Variants in THSD7B observed in about 807,000 individuals in gnomAD.
THSD7B encodes the protein thrombospondin type-1 domain-containing protein 7B.
Under a neutral mutation model 213.6 loss-of-function variants are expected in THSD7B, and 138 were observed. The ratio of observed to expected loss-of-function variants is 0.65; its 90% confidence interval spans 0.56 to 0.74. The LOEUF (loss-of-function observed/expected upper bound fraction) is 0.74. THSD7B is among the 30% of genes least tolerant of loss of function. The pLI is 0.00. For missense variants in THSD7B, 1,931 were observed against 1,991.5 expected, an observed-to-expected ratio of 0.97 and a Z score of 0.58; for synonymous variants, 742 against 687.0, an observed-to-expected ratio of 1.08 and a Z score of -1.25.
chr2:136,834,390 G>C (rs1573660509), intron 1 of THSD7B, among the ~76,000 whole-genome samples: 1 of 152,298 alleles, frequency 6.6e-6, no homozygotes, highest in East Asian at 1.9e-4. Flanking sequence ...TAGAAAATTA[G>C]TGGTAGAGTC....
chr2:137,650,827 CT>C (rs1480771841), intron 21 of THSD7B, among the ~76,000 whole-genome samples: 1 of 152,174 alleles, frequency 6.6e-6, no homozygotes, highest in African/African-American at 2.4e-5. Context: ...TCTTCAGCAT[CT>C]ATTGAAATGA....
chr2:137,093,322 T>C (rs1687986142), intron 3 of THSD7B, among the ~76,000 whole-genome samples: 1 of 152,172 alleles, frequency 6.6e-6, no homozygotes, highest in South Asian at 2.1e-4. Context: ...GTTTCCCCAG[T>C]GGTGTGCTTA....
chr2:137,072,982 G>A (rs1354501016), intron 3 of THSD7B, among the ~76,000 whole-genome samples: 2 of 152,092 alleles, frequency 1.3e-5, no homozygotes, highest in Non-Finnish European at 2.9e-5. Context: ...TGAACTTTTT[G>A]ATGTGCTGCT....
intron 5 of THSD7B, among the ~76,000 whole-genome samples, chr2:137,127,092 A>T: frequency 6.6e-6 from 1 of 152,212 alleles, no homozygotes; most frequent in African/African-American, 2.4e-5. Context: ...GTGTGAAATA[A>T]TGCAAGAATT....
At chr2:137,159,197 T>A (rs759308135) in intron 5 of THSD7B, among the ~76,000 whole-genome samples, 2 of 152,010 alleles carry the variant, frequency 1.3e-5, no homozygotes, top group Non-Finnish European at 2.9e-5. Context: ...TTTGGGAGGC[T>A]GATGAAGGCA....
At chr2:136,925,190 C>T (rs1386900596) in intron 2 of THSD7B, among the ~76,000 whole-genome samples, 1 of 152,124 alleles carries the variant, frequency 6.6e-6, no homozygotes, top group Non-Finnish European at 1.5e-5. Flanking sequence ...CTTGCTCTGG[C>T]TAGGACTTCC....
At chr2:136,935,339 A>G (rs1322694724) in intron 2 of THSD7B, among the ~76,000 whole-genome samples, 1 of 152,168 alleles carries the variant, frequency 6.6e-6, no homozygotes, top group African/African-American at 2.4e-5. Context: ...TTTAATCTGC[A>G]TGATGGGGTC....
intron 2 of THSD7B, among the ~76,000 whole-genome samples, chr2:136,907,994 C>T (rs1684194858): frequency 6.6e-6 from 1 of 152,064 alleles, no homozygotes; most frequent in South Asian, 2.1e-4. Flanking sequence ...TTTTATTTGC[C>T]TAAAGGTTTG....
intron 12 of THSD7B, among the ~76,000 whole-genome samples, chr2:137,287,808 T>G (rs1031160698): frequency 1.3e-5 from 2 of 152,096 alleles, no homozygotes; most frequent in African/African-American, 4.8e-5. Flanking sequence ...AATTGGTGAA[T>G]GCAGTCATTT....
intron 20 of THSD7B, among the ~76,000 whole-genome samples, chr2:137,629,996 AT>A (rs5834566): frequency 0.22 from 32,801 of 147,742 alleles, 3,864 homozygotes; most frequent in South Asian, 0.36. Flanking sequence ...CCCAACTTCA[AT>A]TTTTTTTTTT....
intron 14 of THSD7B, among the ~76,000 whole-genome samples, chr2:137,432,555 C>T (rs186598023): frequency 3.9e-5 from 6 of 152,286 alleles, no homozygotes; most frequent in Admixed American, 2.0e-4. Flanking sequence ...TAGCCCCTTT[C>T]GTTCCTGTGC....
intron 20 of THSD7B, among the ~76,000 whole-genome samples, chr2:137,626,984 T>C (rs1181633203): frequency 6.6e-6 from 1 of 152,216 alleles, no homozygotes; most frequent in East Asian, 1.9e-4. Flanking sequence ...AAGAGGTTTA[T>C]TTGACTAATG....
intron 1 of THSD7B, among the ~76,000 whole-genome samples, chr2:136,866,906 C>T (rs1249398482): frequency 6.6e-6 from 1 of 151,438 alleles, no homozygotes; most frequent in Non-Finnish European, 1.5e-5. Context: ...ATCAATTTTC[C>T]ATATGTGTTT....
chr2:136,941,784 C>T (rs1558860997), intron 2 of THSD7B, among the ~76,000 whole-genome samples: 1 of 152,094 alleles, frequency 6.6e-6, no homozygotes, highest in Non-Finnish European at 1.5e-5. Flanking sequence ...AATTTTCTCC[C>T]ATTCTGTAGA....
At chr2:137,141,482 G>GCA (rs1558936066) in intron 5 of THSD7B, among the ~76,000 whole-genome samples, 1 of 79,124 alleles carries the variant, frequency 1.3e-5, no homozygotes, top group Non-Finnish European at 2.5e-5. Context: ...ACACATGTGT[G>GCA]CACACACACA....
At chr2:136,960,069 A>G (rs1392545239) in intron 2 of THSD7B, among the ~76,000 whole-genome samples, 1 of 152,184 alleles carries the variant, frequency 6.6e-6, no homozygotes, top group Non-Finnish European at 1.5e-5. Flanking sequence ...GTATTCATTC[A>G]GGAACTTTCT....
chr2:137,307,005 T>A (rs1441624125), intron 12 of THSD7B, among the ~76,000 whole-genome samples: 1 of 152,184 alleles, frequency 6.6e-6, no homozygotes, highest in East Asian at 1.9e-4. Context: ...TCTTTGTTCA[T>A]CTTGACCTTT....
chr2:137,009,881 A>G (rs1686194220), intron 2 of THSD7B, among the ~76,000 whole-genome samples: 1 of 152,234 alleles, frequency 6.6e-6, no homozygotes, highest in African/African-American at 2.4e-5. Flanking sequence ...GAAGAGCTCT[A>G]TGTCTGGCAC....
intron 7 of THSD7B, among the ~76,000 whole-genome samples, chr2:137,199,969 A>G (rs1398364297): frequency 6.6e-6 from 1 of 152,178 alleles, no homozygotes; most frequent in Non-Finnish European, 1.5e-5. Flanking sequence ...TTTGGAAGAA[A>G]TAACCTCAGC....
Sources: gnomAD v4.1 joint callset for allele counts (sites outside exome capture counted in the v4.1 genomes callset) on GRCh38, gnomAD v4.1.1 for gene constraint, MANE v1.5 for transcripts, NCBI Gene and HGNC (gene_info 2026-07-23, HGNC 2026-07-21) for gene names.